Variants in CIB2 observed in about 807,000 individuals in gnomAD.
CIB2 encodes calcium and integrin binding family member 2.
A neutral mutation model predicts 23.1 loss-of-function variants in CIB2; 19 were observed. That is an observed-to-expected ratio of 0.82 (90% CI 0.57 to 1.21). The LOEUF is 1.21. Ranked by LOEUF, CIB2 falls within the 50% of genes most tolerant of loss-of-function variation. The pLI is 0.00. For missense variants in CIB2, 220 were observed against 241.5 expected (o/e 0.91, Z 0.59); for synonymous variants, 94 against 91.7 (o/e 1.03, Z -0.14).
In CIB2 at chr15:78,111,991, A is replaced by G. The variant is rs188589059; in HGVS notation, c.87-715T>C. On this transcript the variant is annotated intron_variant, in intron 2 of 5. Coordinates refer to ENST00000258930, the MANE Select transcript of CIB2 (RefSeq NM_006383.4). ...CCCATAAACTCTCTAACTGGGGGCCATCGGGACCCAGGCTGCTACCCTGGT... is the reference window on the plus strand; with the variant it reads ...CCCATAAACTCTCTAACTGGGGGCCGTCGGGACCCAGGCTGCTACCCTGGT... 9.9e-5 allele frequency among the ~76,000 whole-genome samples: 15 copies of G among 152,260 alleles called. No homozygotes were observed. In the East Asian group the frequency reaches 2.7e-3, roughly 27 times the overall value.
chr15:78,131,101 C>G lies in CIB2; in HGVS notation c.51+64G>C. 2 of 1,429,580 alleles carry G rather than the reference C, an allele frequency of 1.4e-6. No individual in the cohort carries two copies. The highest frequency in any genetic ancestry group is 9.4e-7 in the Non-Finnish European group (1 of 1,064,714). The allele number at this position is 1,429,580 out of a possible 1,614,324, so 88.6% of individuals were successfully genotyped here. On this transcript the variant is annotated intron_variant, in intron 1 of 5. Transcript: ENST00000258930. The surrounding 1 kb of genome is among the most constrained non-coding windows in gnomAD (Gnocchi z 5.8). ...CTCTCGGGAGGCCTCGGCCAGCGAC[C>G]GAGAAAAGGGAGGGGCGGCGGGGCG...
At chr15:78,105,396 A>C (rs2074051243) in intron 5 of CIB2, 64 bp from the exon 6 acceptor site, 1 of 1,609,270 alleles carries the variant, frequency 6.2e-7, no homozygotes. Flanking sequence ...AAGGCTCCTC[A>C]GGGAAAAGCA....
chr15:78,129,774 G>A (rs1423034805), intron 1 of CIB2, among the ~76,000 whole-genome samples: 1 of 152,194 alleles, frequency 6.6e-6, no homozygotes, highest in African/African-American at 2.4e-5. Context: ...AGTGAGCCTA[G>A]GAGTCAAGAT....
chr15:78,105,258 G>T lies in CIB2; in HGVS notation c.*53C>A. On this transcript the variant is annotated 3_prime_UTR_variant, in exon 6 of 6. Transcript: ENST00000258930. ...GGGAGCTTGGAGGCCACACCCATGT[G>T]ACTGCAGGGCAGGATGGTGGACTTC... The T allele has an allele frequency of 6.2e-7, 1 of 1,612,080 alleles. No individual in the cohort carries two copies. The highest frequency in any genetic ancestry group is 1.1e-5 in the South Asian group (1 of 90,768).
Position 78,105,827 on chromosome 15 carries a change from C to CTGA in CIB2, c.453_454insTCA (p.Lys151_Val152insSer). ...CCGTCCAAGTCAGCCTCCTCAATGACCTTGTCGCACACAAGCACCACCTCC... is the reference window on the plus strand; with the variant it reads ...CCGTCCAAGTCAGCCTCCTCAATGACTGACTTGTCGCACACAAGCACCACCTCC... On this transcript the variant is annotated inframe_insertion, in exon 5 of 6. Coordinates refer to ENST00000258930, the MANE Select transcript of CIB2 (RefSeq NM_006383.4). 1.2e-6 allele frequency: 2 copies of CTGA among 1,614,218 alleles called. No individual in the cohort carries two copies. The highest frequency in any genetic ancestry group is 1.3e-5 in the African/African-American group (1 of 75,050).
intron 2 of CIB2, among the ~76,000 whole-genome samples, chr15:78,112,212 C>T (rs780261591): frequency 6.6e-6 from 1 of 152,144 alleles, no homozygotes; most frequent in African/African-American, 2.4e-5. Context: ...GTCCACTTGT[C>T]CAGGTCCCTG....
chr15:78,111,395 G>T (rs899419567), intron 2 of CIB2, 119 bp from the exon 3 acceptor site: 13 of 734,102 alleles, frequency 1.8e-5, no homozygotes, highest in South Asian at 1.4e-4. Context: ...GACCAGGTAA[G>T]GGGCCAATGG....
At position 78,123,704 on chromosome 15, in the gene CIB2, C is replaced by T; in HGVS notation, c.86+1G>A. 1 of 1,614,136 alleles carries T rather than the reference C, an allele frequency of 6.2e-7. No homozygotes were observed. The highest frequency in any genetic ancestry group is 8.5e-7 in the Non-Finnish European group (1 of 1,179,990). ...CAGGGTGAACGAGAAGCCACACTTACTTGAGGATGTCCTTCTTATTGAAGA... is the reference window on the plus strand; with the variant it reads ...CAGGGTGAACGAGAAGCCACACTTATTTGAGGATGTCCTTCTTATTGAAGA... On this transcript the variant is annotated splice_donor_variant, in intron 2 of 5. Transcript: ENST00000258930. LOFTEE classifies it high-confidence loss of function.
At chr15:78,114,173 G>A (rs1378828674) in intron 2 of CIB2, among the ~76,000 whole-genome samples, 3 of 152,200 alleles carry the variant, frequency 2.0e-5, no homozygotes, top group African/African-American at 7.2e-5. Flanking sequence ...CACGTCAGAG[G>A]CTCCCTGGAA....
At chr15:78,124,865 T>C (rs2074362601) in intron 1 of CIB2, among the ~76,000 whole-genome samples, 1 of 152,124 alleles carries the variant, frequency 6.6e-6, no homozygotes. Flanking sequence ...GGCAATTGGA[T>C]TGCGTGTTAA....
chr15:78,125,933 A>G (rs957360085), intron 1 of CIB2, among the ~76,000 whole-genome samples: 53 of 152,292 alleles, frequency 3.5e-4, no homozygotes, highest in Middle Eastern at 3.4e-3. Context: ...CAACCAGTAC[A>G]TGATGTACCA....
rs2074119737 is a variant in CIB2 at position 78,109,327 on chromosome 15, T to G, written c.254A>C (p.Asn85Thr). Residue 85 changes from asparagine (N) to threonine (T), a missense_variant, in exon 4 of 6, where the codon AAC becomes ACC. Transcript: ENST00000258930. Reference protein sequence around the residue: ...VAAFSEDGEGNLTFNDFVDMF... With the variant: ...VAAFSEDGEGTLTFNDFVDMF... ...GTCCACAAAGTCGTTGAAAGTGAGG[T>G]TCCCCTCACCATCCTCGGAAAACGC... 6.2e-7 allele frequency: 1 copy of G among 1,613,812 alleles called. No homozygotes were observed. The highest frequency in any genetic ancestry group is 1.7e-5 in the Admixed American group (1 of 59,978).
At chr15:78,127,820 AT>A (rs2074401129) in intron 1 of CIB2, among the ~76,000 whole-genome samples, 1 of 152,140 alleles carries the variant, frequency 6.6e-6, no homozygotes, top group Non-Finnish European at 1.5e-5. Context: ...ATCTTAGTTG[AT>A]CCCCACAAGA....
At position 78,131,259 on chromosome 15, in the gene CIB2, C is replaced by T; in HGVS notation, c.-44G>A. ...GCTCGCCCGCCCGGGCTCCGACTCC[C>T]ATCAGCGGCCGCCAGACCCGGAGCC... is the stretch of plus-strand genomic sequence containing the variant. On this transcript the variant is annotated 5_prime_UTR_variant, in exon 1 of 6. It removes an upstream start codon present in the reference 5' UTR. Transcript: ENST00000258930. The surrounding 1 kb of genome is among the most constrained non-coding windows in gnomAD (Gnocchi z 5.8). 1 of 1,404,576 alleles carries T rather than the reference C, an allele frequency of 7.1e-7. No individual in the cohort carries two copies. Among genetic ancestry groups the T allele is most frequent in the Non-Finnish European group, 9.4e-7 (1 of 1,068,476 alleles). The allele number at this position is 1,404,576 out of a possible 1,614,324, so 87.0% of individuals were successfully genotyped here.
intron 2 of CIB2, among the ~76,000 whole-genome samples, chr15:78,112,805 C>CA (rs1471508064): frequency 1.3e-5 from 2 of 152,196 alleles, no homozygotes; most frequent in East Asian, 3.8e-4. Context: ...CCACCTTTAT[C>CA]AAGCCATTCA....
intron 3 of CIB2, chr15:78,110,733 C>T: frequency 2.2e-6 from 1 of 456,314 alleles, no homozygotes; most frequent in South Asian, 1.5e-5. Flanking sequence ...GGACAAGATC[C>T]CTGGGGAGTT....
chr15:78,131,142 G>T lies in CIB2; in HGVS notation c.51+23C>A. 1 of 1,574,544 alleles carries T rather than the reference G, an allele frequency of 6.4e-7. No individual in the cohort carries two copies. On this transcript the variant is annotated intron_variant, in intron 1 of 5. Transcript: ENST00000258930. This position sits in a 1 kb window ranked among gnomAD's most constrained non-coding sequence, Gnocchi z 5.8. ...CGGCGGGGCGGCGGGGCCTGTGTTGGGGGCCGGGCGCGCCGAGCTCACCTG... is the reference window on the plus strand; with the variant it reads ...CGGCGGGGCGGCGGGGCCTGTGTTGTGGGCCGGGCGCGCCGAGCTCACCTG...
chr15:78,111,948 G>A (rs1000116485), intron 2 of CIB2, among the ~76,000 whole-genome samples: 3 of 152,172 alleles, frequency 2.0e-5, no homozygotes, highest in Non-Finnish European at 4.4e-5. Context: ...CCCTCAGGAA[G>A]CCCCTATGAA....
intron 2 of CIB2, among the ~76,000 whole-genome samples, chr15:78,118,636 T>C (rs1202378752): frequency 6.6e-6 from 1 of 150,948 alleles, no homozygotes; most frequent in Non-Finnish European, 1.5e-5. Flanking sequence ...AAATTTACCA[T>C]CTTAATTATT....
Sources: gnomAD v4.1 joint callset for allele counts (sites outside exome capture counted in the v4.1 genomes callset) on GRCh38, gnomAD v4.1.1 for gene constraint, Gnocchi (gnomAD v3.1) non-coding constraint, MANE v1.5 for transcripts, NCBI Gene and HGNC (gene_info 2026-07-23, HGNC 2026-07-21) for gene names.